EIF2AK1: variants seen among roughly 807,000 people sequenced by gnomAD.
The protein encoded by EIF2AK1 is eukaryotic translation initiation factor 2 alpha kinase 1.
EIF2AK1 carries 54 observed loss-of-function variants against 77.9 expected under a neutral mutation model. The ratio of observed to expected loss-of-function variants is 0.69; its 90% confidence interval spans 0.56 to 0.87. The LOEUF is 0.87. Ranked by LOEUF, EIF2AK1 falls within the 40% of genes least tolerant of loss-of-function variation. The probability of loss-of-function intolerance (pLI) is 0.00; values close to 1 mark genes in which losing one functional copy is unlikely to be tolerated. For missense variants in EIF2AK1, 810 were observed against 768.6 expected, an observed-to-expected ratio of 1.05 and a Z score of -0.64; for synonymous variants, 314 against 290.5, an observed-to-expected ratio of 1.08 and a Z score of -0.82.
rs1203231844 is a variant in EIF2AK1, at chr7:6,036,978, A to G, written c.1332+446T>C. On this transcript the variant is annotated intron_variant, in intron 11 of 14. Transcript: ENST00000199389. The surrounding 1 kb of genome is among the most constrained non-coding windows in gnomAD (Gnocchi z 4.6). Reference sequence around the variant, plus strand: ...TGCAGTGGCTCACACCTGTAACCCCAGCACTTTGGGAGGTCAAGATGGGAG... The same window carrying G: ...TGCAGTGGCTCACACCTGTAACCCCGGCACTTTGGGAGGTCAAGATGGGAG... Among the ~76,000 whole-genome samples the G allele has an allele frequency of 1.3e-5, 2 of 152,132 alleles. No individual in the cohort carries two copies. The highest frequency in any genetic ancestry group is 2.9e-5 in the Non-Finnish European group (2 of 68,022).
At chr7:6,046,506 A>T (rs1788448255) in intron 5 of EIF2AK1, 1 of 167,302 alleles carries the variant, frequency 6.0e-6, no homozygotes, top group South Asian at 1.9e-4. Flanking sequence ...CAACACGGTT[A>T]GAAAAACATT....
In EIF2AK1 at chr7:6,037,428, A is replaced by C; in HGVS notation, c.1328T>G (p.Leu443Arg). 1 of 1,605,180 alleles carries C rather than the reference A, an allele frequency of 6.2e-7. No homozygotes were observed. Among genetic ancestry groups the C allele is most frequent in the Non-Finnish European group, 8.5e-7 (1 of 1,174,180 alleles). The change falls in exon 11 of 15, where the codon CTG (leucine) becomes CGG (arginine). Residue 443 changes from leucine to arginine, a missense_variant. Physicochemically the swap from Leu to Arg is moderately radical, Grantham distance 102 (BLOSUM62 -2). Transcript: ENST00000199389. ...IHNMGIVHRDLKPRNIFLHGP... is the reference protein window; with the variant it reads ...IHNMGIVHRDRKPRNIFLHGP... ...GATTTCATCGCCCCCACTTACCTTCAGATCTCGGTGCACAATTCCCATGTT... is the reference window on the plus strand; with the variant it reads ...GATTTCATCGCCCCCACTTACCTTCCGATCTCGGTGCACAATTCCCATGTT...
chr7:6,039,973 G>A (rs770997288), intron 9 of EIF2AK1, among the ~76,000 whole-genome samples: 6 of 152,100 alleles, frequency 3.9e-5, no homozygotes, highest in South Asian at 2.1e-4. Context: ...CACATATTCC[G>A]TGACAAGAAT....
chr7:6,034,464 GC>G (rs1788015365), intron 11 of EIF2AK1, among the ~76,000 whole-genome samples: 1 of 151,878 alleles, frequency 6.6e-6, no homozygotes, highest in African/African-American at 2.4e-5. Flanking sequence ...TCACAGACTC[GC>G]CCCATTCTCC....
At chr7:6,030,671 G>T (rs1001275845) in intron 11 of EIF2AK1, among the ~76,000 whole-genome samples, 1 of 152,112 alleles carries the variant, frequency 6.6e-6, no homozygotes, top group African/African-American at 2.4e-5. Context: ...GCTACTTTTT[G>T]TATTTTTAGT....
intron 1 of EIF2AK1, chr7:6,058,103 A>G: frequency 2.2e-6 from 1 of 455,618 alleles, no homozygotes; most frequent in South Asian, 1.5e-5. Context: ...TCTCCTAGTA[A>G]ACAAAAGCCT....
intron 1 of EIF2AK1, among the ~76,000 whole-genome samples, chr7:6,056,613 A>AAAAAAAAAAAAAAATATATAT: frequency 2.3e-5 from 1 of 43,738 alleles, no homozygotes; most frequent in African/African-American, 8.2e-5. Flanking sequence ...AAAAAAAAAA[A>AAAAAAAAAAAAAAATATATAT]ATATATATAT....
In EIF2AK1 at chr7:6,035,733, A is replaced by G. The variant is rs1788059260; in HGVS notation, c.1332+1691T>C. 6.4e-7 allele frequency: 1 copy of G among 1,551,058 alleles called. No individual in the cohort carries two copies. Among genetic ancestry groups the G allele is most frequent in the African/African-American group, 1.4e-5 (1 of 73,172 alleles). On this transcript the variant is annotated intron_variant, in intron 11 of 14. Transcript: ENST00000199389. This position sits in a 1 kb window ranked among gnomAD's most constrained non-coding sequence, Gnocchi z 5.5. ...TGTCAATGCTATTAATGAAGCCAGCATGACACCCCTTCACATGGCCGCAAA... is the reference window on the plus strand; with the variant it reads ...TGTCAATGCTATTAATGAAGCCAGCGTGACACCCCTTCACATGGCCGCAAA...
rs941608932 is a variant in EIF2AK1 at position 6,035,964 on chromosome 7, C to T, written c.1332+1460G>A. 8 of 1,549,826 alleles carry T rather than the reference C, an allele frequency of 5.2e-6. No individual in the cohort carries two copies. The African/African-American group carries it at 1.1e-4, about 21-fold the overall frequency. ...AGTCAACGCCCAGGACTACAAGGGC[C>T]AAACAGCCATCCATGAGGCATGCTT... is the stretch of plus-strand genomic sequence containing the variant. On this transcript the variant is annotated intron_variant, in intron 11 of 14. Transcript: ENST00000199389. This position sits in a 1 kb window ranked among gnomAD's most constrained non-coding sequence, Gnocchi z 5.5.
intron 11 of EIF2AK1, among the ~76,000 whole-genome samples, chr7:6,030,783 G>A (rs973674648): frequency 1.3e-5 from 2 of 152,050 alleles, no homozygotes; most frequent in East Asian, 1.9e-4. Context: ...AGGCATGAGC[G>A]ACCGCACCCA....
rs750668523 is a variant in EIF2AK1 at position 6,047,069 on chromosome 7, C to T, written c.472G>A (p.Ala158Thr). 6.2e-7 allele frequency: 1 copy of T among 1,613,116 alleles called. No individual in the cohort carries two copies. Among genetic ancestry groups the T allele is most frequent in the Admixed American group, 1.7e-5 (1 of 59,806 alleles). ...TCATTTAAGTAACGTGAAGTTTGTG[C>T]TTCCAAGGCTACTTCCCTTGATCTG... Reference protein sequence around the residue: ...KIRSREVALEAQTSRYLNEFE... With the variant: ...KIRSREVALETQTSRYLNEFE... Residue 158 changes from alanine (A) to threonine (T), a missense_variant, in exon 5 of 15, where the codon GCA becomes ACA. Ala to Thr is a moderately conservative substitution (Grantham distance 58, BLOSUM62 0). Around this residue, in one of 3 missense-constraint regions of EIF2AK1, gnomAD observed 15 missense variants for 35.9 expected, o/e 0.42. Transcript: ENST00000199389.
rs998344120 is a variant in EIF2AK1, at chr7:6,040,903, C to T, written c.1108G>A (p.Gly370Ser). Residue 370 changes from glycine (G) to serine (S), a missense_variant, in exon 9 of 15, where the codon GGT becomes AGT. This residue lies in a region of EIF2AK1 where 549 missense variants were observed against 533.7 expected (regional missense o/e 1.03). Coordinates refer to ENST00000199389, the MANE Select transcript of EIF2AK1 (RefSeq NM_014413.4). ...ESSEENVNFL[G>S]QTEAQYHLML... is the part of the protein sequence containing the mutation. The stretch of plus-strand genomic sequence containing the variant: ...GGAAAGTAATCTACCTCTGTCTGAC[C>T]CAAAAAGTTGACATTTTCTTCGGAA... 6.2e-7 allele frequency: 1 copy of T among 1,613,932 alleles called. No individual in the cohort carries two copies. Among genetic ancestry groups the T allele is most frequent in the Non-Finnish European group, 8.5e-7 (1 of 1,179,890 alleles).
chr7:6,053,216 T>C (rs1479776461), intron 2 of EIF2AK1, among the ~76,000 whole-genome samples: 4 of 152,130 alleles, frequency 2.6e-5, no homozygotes, highest in East Asian at 3.9e-4. Context: ...TGTGAGTATA[T>C]GGTAGATGTA....
intron 7 of EIF2AK1, among the ~76,000 whole-genome samples, chr7:6,043,746 G>C (rs1018466252): frequency 1.8e-4 from 27 of 151,650 alleles, no homozygotes; most frequent in African/African-American, 6.3e-4. Context: ...AATTTAAAAA[G>C]CAGCCATAGA....
At chr7:6,056,537 T>C (rs1788766880) in intron 1 of EIF2AK1, among the ~76,000 whole-genome samples, 1 of 141,142 alleles carries the variant, frequency 7.1e-6, no homozygotes, top group Non-Finnish European at 1.5e-5. Context: ...GAGGTTGCAG[T>C]GAGCCGAGAT....
chr7:6,038,208 T>C (rs549614578), intron 10 of EIF2AK1, among the ~76,000 whole-genome samples: 33 of 152,156 alleles, frequency 2.2e-4, no homozygotes, highest in African/African-American at 6.7e-4. Context: ...GACAGGAGGA[T>C]TGCTTGAGAT....
At position 6,028,595 on chromosome 7, in the gene EIF2AK1, C is replaced by A. The variant is rs1562741183; in HGVS notation, c.1530+20G>T. The A allele has an allele frequency of 6.8e-6, 11 of 1,612,140 alleles. 2 individuals carry two copies. The South Asian group carries it at 1.2e-4, about 18-fold the overall frequency. ...CTGCAGAATAAGTTGAATGAAAGGG[C>A]AGAAAGCAACAAATACTACCTTGGC... On this transcript the variant is annotated intron_variant, in intron 13 of 14. Coordinates refer to ENST00000199389, the MANE Select transcript of EIF2AK1 (RefSeq NM_014413.4).
At chr7:6,030,734 T>C (rs1238304091) in intron 11 of EIF2AK1, among the ~76,000 whole-genome samples, 2 of 152,170 alleles carry the variant, frequency 1.3e-5, no homozygotes, top group Non-Finnish European at 2.9e-5. Context: ...CTTGACCTCA[T>C]GTTCTGCCCG....
At chr7:6,031,343 C>A in intron 11 of EIF2AK1, 2 of 1,533,610 alleles carry the variant, frequency 1.3e-6, no homozygotes. Context: ...AATTCCATAA[C>A]AACATTTTCC....
Sources: allele counts gnomAD v4.1 joint callset (sites outside exome capture counted in the v4.1 genomes callset), GRCh38; gene constraint gnomAD v4.1.1; regional missense constraint gnomAD v4.1.1; non-coding constraint Gnocchi (gnomAD v3.1); transcripts MANE v1.5; gene names NCBI Gene and HGNC (gene_info 2026-07-23, HGNC 2026-07-21).